The following ASXL3 variants were observed in gnomAD, a reference collection of about 807,000 sequenced individuals.
ASXL3 encodes putative Polycomb group protein ASXL3.
In ASXL3, 34 loss-of-function variants were observed where a neutral mutation model predicts 170.6. The observed-to-expected ratio is 0.20, with a 90% CI of 0.15 to 0.27. The LOEUF (loss-of-function observed/expected upper bound fraction) is 0.27. ASXL3 is among the 10% of genes least tolerant of loss of function. ASXL3 has a pLI of 1.00. For synonymous variants in ASXL3, 1,002 were observed against 989.1 expected (o/e 1.01, Z -0.24); for missense variants, 2,592 against 2,695.3 (o/e 0.96, Z 0.85).
chr18:33,591,862 C>T (rs540694860), intron 1 of ASXL3, among the ~76,000 whole-genome samples: 148 of 151,874 alleles, frequency 9.7e-4, no homozygotes, highest in African/African-American at 1.8e-3. Flanking sequence ...AGGATGGTCT[C>T]GATCTCCTGA....
At chr18:33,622,668 C>T (rs1199841833) in intron 2 of ASXL3, among the ~76,000 whole-genome samples, 1 of 152,120 alleles carries the variant, frequency 6.6e-6, no homozygotes, top group Non-Finnish European at 1.5e-5. Context: ...GCTTTGCTGT[C>T]TCTAGGATTT....
In ASXL3 at chr18:33,605,171, A is replaced by T. The variant is rs143056545; in HGVS notation, c.55-2423A>T. ...TCAAGAGATTGTTGGGGCAATGGACAGTTAGTCTAAGGTTTGGGTCTGGTA... is the reference window on the plus strand; with the variant it reads ...TCAAGAGATTGTTGGGGCAATGGACTGTTAGTCTAAGGTTTGGGTCTGGTA... On this transcript the variant is annotated intron_variant, in intron 1 of 11. Transcript: ENST00000269197. Among the ~76,000 whole-genome samples, 66 of 152,068 alleles carry T rather than the reference A, an allele frequency of 4.3e-4. 1 individual carries two copies. The highest frequency in any genetic ancestry group is 7.7e-4 in the Non-Finnish European group (52 of 67,934).
chr18:33,712,041 T>C lies in ASXL3; in HGVS notation c.880-19927T>C, dbSNP rs191596512. Among the ~76,000 whole-genome samples, 45 of 152,288 alleles carry C rather than the reference T, an allele frequency of 3.0e-4. 1 individual carries two copies. Among genetic ancestry groups the C allele is most frequent in the Admixed American group, 2.8e-3 (43 of 15,292 alleles). On this transcript the variant is annotated intron_variant, in intron 8 of 11. Transcript: ENST00000269197. ...ATATTATATTTTAGGTGTTATTTGT[T>C]TAAGATGAGATACAGGATTAAAGGG... is the stretch of plus-strand genomic sequence containing the variant.
intron 8 of ASXL3, among the ~76,000 whole-genome samples, chr18:33,713,238 G>GTTTTTTTTT (rs1568343410): frequency 2.2e-5 from 1 of 44,518 alleles, no homozygotes; most frequent in African/African-American, 8.5e-5. Flanking sequence ...GGTTTTTTTT[G>GTTTTTTTTT]TTTTGTTTTG....
At chr18:33,643,176 T>C (rs1313454428) in intron 2 of ASXL3, among the ~76,000 whole-genome samples, 1 of 151,904 alleles carries the variant, frequency 6.6e-6, no homozygotes, top group East Asian at 1.9e-4. Context: ...AGCTTCAAAT[T>C]TTCTATGCTT....
At chr18:33,592,806 G>A (rs561333235) in intron 1 of ASXL3, among the ~76,000 whole-genome samples, 17 of 151,940 alleles carry the variant, frequency 1.1e-4, no homozygotes, top group African/African-American at 4.1e-4. Flanking sequence ...GTTCTTTTGT[G>A]TTTTTTTCCT....
In ASXL3 at chr18:33,743,919, T is replaced by C. The variant is rs1430335155; in HGVS notation, c.4071T>C (p.Ser1357=). The C allele has an allele frequency of 6.2e-7, 1 of 1,613,908 alleles. No homozygotes were observed. Among genetic ancestry groups the C allele is most frequent in the East Asian group, 2.2e-5 (1 of 44,890 alleles). The change falls in exon 12 of 12, where the codon TCT becomes TCC. Residue 1357 remains serine, a synonymous_variant. Transcript: ENST00000269197. ...GNNLPNLSTS[S]VLIPPMGINN... Reference sequence around the variant, plus strand: ...ATTTGCCAAACCTCTCCACTAGCTCTGTCTTGATTCCCCCAATGGGAATTA... The same window carrying C: ...ATTTGCCAAACCTCTCCACTAGCTCCGTCTTGATTCCCCCAATGGGAATTA...
chr18:33,746,284 C>G lies in ASXL3; in HGVS notation c.6436C>G (p.Gln2146Glu), dbSNP rs1474170099. The change falls in exon 12 of 12, where the codon CAA (glutamine) becomes GAA (glutamate). Residue 2146 changes from glutamine (Q) to glutamate (E), a missense_variant. Around this residue, in one of 4 missense-constraint regions of ASXL3, gnomAD observed 2,246 missense variants for 2,219.6 expected, o/e 1.01. Coordinates refer to ENST00000269197, the MANE Select transcript of ASXL3 (RefSeq NM_030632.3). ...QLAAQKMQVQ[Q>E]QQQLCGNYPT... ...AGCTGCTCAGAAAATGCAGGTGCAG[C>G]AACAACAGCAGCTCTGTGGAAATTA... 1.9e-6 allele frequency: 3 copies of G among 1,614,004 alleles called. No homozygotes were observed. The highest frequency in any genetic ancestry group is 2.5e-6 in the Non-Finnish European group (3 of 1,179,884).
At chr18:33,607,263 G>T (rs912363241) in intron 1 of ASXL3, among the ~76,000 whole-genome samples, 16 of 151,924 alleles carry the variant, frequency 1.1e-4, no homozygotes, top group Admixed American at 6.6e-5. Context: ...CTGAAAACAT[G>T]ACTTTCACCA....
At position 33,750,205 on chromosome 18, in the gene ASXL3, C is replaced by T. The variant is rs958690152; in HGVS notation, c.*3610C>T. On this transcript the variant is annotated 3_prime_UTR_variant, in exon 12 of 12. Coordinates refer to ENST00000269197, the MANE Select transcript of ASXL3 (RefSeq NM_030632.3). Reference sequence around the variant, plus strand: ...GAGTCCTAGAACAGGAACTCTGAATCAGACTGTCAGGGGCCTATGTAGCCA... The same window carrying T: ...GAGTCCTAGAACAGGAACTCTGAATTAGACTGTCAGGGGCCTATGTAGCCA... The T allele has an allele frequency of 1.3e-5, 2 of 152,228 alleles. No individual in the cohort carries two copies. The highest frequency in any genetic ancestry group is 4.8e-5 in the African/African-American group (2 of 41,460). 9.4% of individuals were successfully genotyped at this position (152,228 alleles called of 1,614,324 possible).
chr18:33,628,766 G>A (rs1039359571), intron 2 of ASXL3, among the ~76,000 whole-genome samples: 26 of 152,026 alleles, frequency 1.7e-4, no homozygotes, highest in African/African-American at 5.8e-4. Flanking sequence ...TATGTGGAAC[G>A]TTGGCTTACC....
chr18:33,746,422 A>C lies in ASXL3; in HGVS notation c.6574A>C (p.Asn2192His). Reference protein sequence around the residue: ...SNPATGLSGQNAQMPVQNFAD... With the variant: ...SNPATGLSGQHAQMPVQNFAD... ...TCCTGCCACAGGCTTGTCTGGTCAG[A>C]ACGCTCAGATGCCCGTTCAGAACTT... Residue 2192 changes from asparagine (N) to histidine (H), a missense_variant, in exon 12 of 12, where the codon AAC becomes CAC. Asn to His is a moderately conservative substitution (Grantham distance 68). Coordinates refer to ENST00000269197, the MANE Select transcript of ASXL3 (RefSeq NM_030632.3). The C allele has an allele frequency of 6.2e-7, 1 of 1,614,024 alleles. No individual in the cohort carries two copies. Among genetic ancestry groups the C allele is most frequent in the Non-Finnish European group, 8.5e-7 (1 of 1,179,876 alleles).
intron 8 of ASXL3, among the ~76,000 whole-genome samples, chr18:33,702,778 A>T (rs2066896603): frequency 6.6e-6 from 1 of 152,174 alleles, no homozygotes; most frequent in South Asian, 2.1e-4. Context: ...TACATTTGCC[A>T]TTCACAGTAA....
intron 1 of ASXL3, among the ~76,000 whole-genome samples, chr18:33,601,373 C>T (rs1317062694): frequency 1.3e-5 from 2 of 151,904 alleles, no homozygotes; most frequent in East Asian, 3.9e-4. Context: ...TTCATTATCT[C>T]ATTTAGTCCT....
At chr18:33,599,811 G>T (rs1335210706) in intron 1 of ASXL3, among the ~76,000 whole-genome samples, 1 of 151,970 alleles carries the variant, frequency 6.6e-6, no homozygotes, top group African/African-American at 2.4e-5. Context: ...TTAAAACAAA[G>T]ATATGCTTAT....
At chr18:33,646,500 G>A in intron 4 of ASXL3, 147 bp downstream of exon 4, 2 of 568,434 alleles carry the variant, frequency 3.5e-6, no homozygotes, top group East Asian at 3.1e-5. Context: ...AAGGTGTTTT[G>A]ATTCAAAAAG....
rs1386683051 is a variant in ASXL3, at chr18:33,738,977, T to A, written c.1573T>A (p.Ser525Thr). ...AGTTAAGATAGAAGGGAAGTCAGAA[T>A]CACCCCAGGAAGAAATGACAGTTGT... Reference protein sequence around the residue: ...IEVKIEGKSESPQEEMTVVID... With the variant: ...IEVKIEGKSETPQEEMTVVID... The change falls in exon 11 of 12, where the codon TCA (serine) becomes ACA (threonine). Residue 525 changes from serine (S) to threonine (T), a missense_variant. Physicochemically the swap from Ser to Thr is moderately conservative, Grantham distance 58. Transcript: ENST00000269197. The A allele has an allele frequency of 6.2e-7, 1 of 1,613,684 alleles. No individual in the cohort carries two copies. The highest frequency in any genetic ancestry group is 8.5e-7 in the Non-Finnish European group (1 of 1,179,856).
At chr18:33,686,777 A>G (rs4799710) in intron 8 of ASXL3, among the ~76,000 whole-genome samples, 86,091 of 152,058 alleles carry the variant, frequency 0.57, 25,014 homozygotes, top group East Asian at 0.9. Context: ...AAAACTTGAC[A>G]GATGGGAAAT....
intron 8 of ASXL3, among the ~76,000 whole-genome samples, chr18:33,690,600 A>G (rs964649873): frequency 6.6e-6 from 1 of 152,132 alleles, no homozygotes; most frequent in African/African-American, 2.4e-5. Flanking sequence ...CTCCAATCCT[A>G]ATCTACTAAC....
Sources: allele counts gnomAD v4.1 joint callset (sites outside exome capture counted in the v4.1 genomes callset), GRCh38; gene constraint gnomAD v4.1.1; regional missense constraint gnomAD v4.1.1; transcripts MANE v1.5; gene names NCBI Gene and HGNC (gene_info 2026-07-23, HGNC 2026-07-21).